The following SDK1 variants were observed in gnomAD, a reference collection of about 807,000 sequenced individuals.
The protein encoded by SDK1 is protein sidekick-1.
A neutral mutation model predicts 245.5 loss-of-function variants in SDK1; 157 were observed. The observed-to-expected ratio is 0.64, with a 90% confidence interval of 0.56 to 0.73. The LOEUF (loss-of-function observed/expected upper bound fraction) is 0.73, where lower values mean the gene tolerates loss of function less well. SDK1 is among the 30% of genes least tolerant of loss of function. The pLI is 0.00. For synonymous variants in SDK1, 1,647 were observed against 1,278.5 expected (o/e 1.29, Z -6.15); for missense variants, 3,583 against 3,002.3 (o/e 1.19, Z -4.52).
Position 4,130,006 on chromosome 7 carries a change from C to G in SDK1, c.4038C>G (p.Phe1346Leu). Residue 1346 changes from phenylalanine to leucine, a missense_variant, in exon 27 of 45, where the codon TTC becomes TTG. Phe to Leu is a conservative substitution (Grantham distance 22). Transcript: ENST00000404826. ...CCCTGCTGGCAGGCCTGCGCAAGTTCGTGCTCTACGAGCTCCAGGTGCTGG... is the reference window on the plus strand; with the variant it reads ...CCCTGCTGGCAGGCCTGCGCAAGTTGGTGCTCTACGAGCTCCAGGTGCTGG... ...QSALLAGLRK[F>L]VLYELQVLAF... 1 of 1,613,652 alleles carries G rather than the reference C, an allele frequency of 6.2e-7. No homozygotes were observed. Among genetic ancestry groups the G allele is most frequent in the Non-Finnish European group, 8.5e-7 (1 of 1,179,954 alleles).
At chr7:3,999,862 G>A (rs1442963577) in intron 14 of SDK1, among the ~76,000 whole-genome samples, 1 of 152,170 alleles carries the variant, frequency 6.6e-6, no homozygotes, top group Non-Finnish European at 1.5e-5. Context: ...GCAGCCTCGG[G>A]TGCATCATTC....
chr7:3,415,747 A>G (rs892545940), intron 1 of SDK1, among the ~76,000 whole-genome samples: 1 of 150,976 alleles, frequency 6.6e-6, no homozygotes, highest in African/African-American at 2.4e-5. Context: ...TCATATACAA[A>G]TCATTTCTGT....
chr7:4,210,737 G>A (rs1262920380), intron 38 of SDK1, among the ~76,000 whole-genome samples: 1 of 152,236 alleles, frequency 6.6e-6, no homozygotes, highest in Non-Finnish European at 1.5e-5. Context: ...GGGAAAGCCA[G>A]GATTTTGACT....
intron 4 of SDK1, among the ~76,000 whole-genome samples, chr7:3,783,474 C>CA (rs56902874): frequency 0.1 from 13,546 of 135,478 alleles, 1,668 homozygotes; most frequent in African/African-American, 0.3. Flanking sequence ...CAGACCCCAC[C>CA]AAAAAAAAAA....
chr7:4,132,261 T>C (rs1202884610), intron 27 of SDK1, 64 bp from the exon 28 acceptor site: 4 of 1,316,348 alleles, frequency 3.0e-6, no homozygotes, highest in Non-Finnish European at 4.3e-6. Flanking sequence ...GAATCCTGTG[T>C]AACCTGTCAC....
intron 1 of SDK1, among the ~76,000 whole-genome samples, chr7:3,592,198 A>G (rs1349275799): frequency 6.6e-6 from 1 of 152,188 alleles, no homozygotes. Flanking sequence ...TCCTCAAGTC[A>G]TTATAAGAAT....
chr7:3,951,101 A>T (rs897470084), intron 6 of SDK1, 67 bp downstream of exon 6: 1 of 1,179,494 alleles, frequency 8.5e-7, no homozygotes, highest in African/African-American at 1.5e-5. Flanking sequence ...CCGACGATAG[A>T]AGGATACACT....
intron 1 of SDK1, among the ~76,000 whole-genome samples, chr7:3,487,818 C>G (rs1781749507): frequency 6.6e-6 from 1 of 151,300 alleles, no homozygotes. Context: ...AAAGCTCAGC[C>G]CAACAAAATC....
chr7:4,041,253 A>T (rs1223590941), intron 17 of SDK1, among the ~76,000 whole-genome samples: 1 of 151,492 alleles, frequency 6.6e-6, no homozygotes, highest in African/African-American at 2.4e-5. Context: ...CGGGTTCAGA[A>T]AGTTTACAGG....
intron 1 of SDK1, among the ~76,000 whole-genome samples, chr7:3,381,284 G>A (rs967855932): frequency 6.6e-6 from 1 of 152,118 alleles, no homozygotes; most frequent in African/African-American, 2.4e-5. Context: ...TAGGAGAGGG[G>A]GAAGGGCAGA....
intron 5 of SDK1, among the ~76,000 whole-genome samples, chr7:3,913,356 C>G (rs1204349241): frequency 7.4e-5 from 11 of 149,572 alleles, no homozygotes; most frequent in South Asian, 6.4e-4. Flanking sequence ...TGCAGTGGCA[C>G]GATCTCGGCT....
chr7:3,322,483 G>A (rs1319335803), intron 1 of SDK1, among the ~76,000 whole-genome samples: 1 of 151,880 alleles, frequency 6.6e-6, no homozygotes. Context: ...CTTCTTTTTG[G>A]TATATGCCTA....
At chr7:4,093,987 T>G (rs964867404) in intron 22 of SDK1, among the ~76,000 whole-genome samples, 1 of 152,174 alleles carries the variant, frequency 6.6e-6, no homozygotes, top group African/African-American at 2.4e-5. Context: ...CTTTCCCTAG[T>G]CAGAAGTTGA....
In SDK1 at chr7:3,537,557, G is replaced by A. The variant is rs533391442; in HGVS notation, c.299-81523G>A. Reference sequence around the variant, plus strand: ...TCCATTGTGGCACCATGACTCTTTGGGGTTGAAAAGAATAACAAACTGCAA... The same window carrying A: ...TCCATTGTGGCACCATGACTCTTTGAGGTTGAAAAGAATAACAAACTGCAA... On this transcript the variant is annotated intron_variant, in intron 1 of 44. Transcript: ENST00000404826. 3.0e-3 allele frequency among the ~76,000 whole-genome samples: 457 copies of A among 152,264 alleles called. 2 individuals carry two copies. The highest frequency in any genetic ancestry group is 5.1e-3 in the Non-Finnish European group (344 of 68,010).
chr7:3,624,571 T>G (rs1003036356), intron 2 of SDK1, among the ~76,000 whole-genome samples: 1 of 152,200 alleles, frequency 6.6e-6, no homozygotes, highest in Non-Finnish European at 1.5e-5. Context: ...AAAGCTCATC[T>G]AGAAATGTAA....
At chr7:4,002,387 T>G (rs1421707994) in intron 14 of SDK1, among the ~76,000 whole-genome samples, 4 of 152,220 alleles carry the variant, frequency 2.6e-5, no homozygotes, top group Admixed American at 2.6e-4. Flanking sequence ...GACAGTAATT[T>G]AAGGGCGCTT....
At chr7:3,584,823 A>G (rs568826668) in intron 1 of SDK1, among the ~76,000 whole-genome samples, 5 of 151,394 alleles carry the variant, frequency 3.3e-5, no homozygotes, top group Middle Eastern at 3.4e-3. Flanking sequence ...TCCCGGGTTC[A>G]CGCCGTTCTG....
rs1342144228 is a variant in SDK1 at position 3,718,553 on chromosome 7, A to C, written c.713+76448A>C. Among the ~76,000 whole-genome samples the C allele has an allele frequency of 3.4e-4, 47 of 140,120 alleles. 1 individual carries two copies. Among genetic ancestry groups the C allele is most frequent in the African/African-American group, 1.3e-3 (44 of 33,412 alleles). 91.9% of individuals were successfully genotyped at this position (140,120 alleles called of 152,430 possible). ...TAAATAAATAAATAAATAAATAAAT[A>C]AATAAATAAATAAATAAATAAATAA... On this transcript the variant is annotated intron_variant, in intron 4 of 44. Coordinates refer to ENST00000404826, the MANE Select transcript of SDK1 (RefSeq NM_152744.4).
At chr7:3,792,719 TCC>T (rs1778842885) in intron 4 of SDK1, among the ~76,000 whole-genome samples, 1 of 151,196 alleles carries the variant, frequency 6.6e-6, no homozygotes, top group African/African-American at 2.4e-5. Flanking sequence ...CATCCATCCA[TCC>T]GTCTGTCCAT....
Sources: allele counts gnomAD v4.1 joint callset (sites outside exome capture counted in the v4.1 genomes callset), GRCh38; gene constraint gnomAD v4.1.1; transcripts MANE v1.5; gene names NCBI Gene and HGNC (gene_info 2026-07-23, HGNC 2026-07-21).